LRRC4C: variants seen among roughly 807,000 people sequenced by gnomAD.
LRRC4C encodes the protein leucine rich repeat containing 4C, also known as leucine-rich repeat-containing protein 4C.
In LRRC4C, 5 loss-of-function variants were observed where a neutral mutation model predicts 33.6. That is an observed-to-expected ratio of 0.15 (90% CI 0.08 to 0.31). The LOEUF (loss-of-function observed/expected upper bound fraction) is 0.31, where lower values mean the gene tolerates loss of function less well. Among genes scored for constraint, LRRC4C ranks in the 10% least tolerant of loss-of-function variants. The probability of loss-of-function intolerance (pLI) is 1.00; values close to 1 mark genes in which losing one functional copy is unlikely to be tolerated. For synonymous variants in LRRC4C, 329 were observed against 302.0 expected, an observed-to-expected ratio of 1.09 and a Z score of -0.93; for missense variants, 560 against 796.7, an observed-to-expected ratio of 0.70 and a Z score of 3.58.
At chr11:41,068,566 A>G (rs954065137) in intron 1 of LRRC4C, among the ~76,000 whole-genome samples, 1 of 152,174 alleles carries the variant, frequency 6.6e-6, no homozygotes, top group African/African-American at 2.4e-5. Context: ...AATACAAACT[A>G]CTATCAGAGA....
chr11:41,263,780 T>C (rs1422760369), intron 1 of LRRC4C, among the ~76,000 whole-genome samples: 1 of 152,208 alleles, frequency 6.6e-6, no homozygotes, highest in Admixed American at 6.5e-5. Flanking sequence ...TGTCTACTCA[T>C]AGTAGAAACT....
At chr11:40,945,618 C>G (rs533876984) in intron 1 of LRRC4C, among the ~76,000 whole-genome samples, 2 of 152,196 alleles carry the variant, frequency 1.3e-5, no homozygotes, top group South Asian at 4.2e-4. Context: ...CAAGTCTTGT[C>G]AAGATAAATC....
At chr11:40,493,472 T>C (rs1277372784) in intron 3 of LRRC4C, among the ~76,000 whole-genome samples, 1 of 151,932 alleles carries the variant, frequency 6.6e-6, no homozygotes, top group Non-Finnish European at 1.5e-5. Context: ...TAGAATGAAA[T>C]AAATGCAACT....
intron 1 of LRRC4C, among the ~76,000 whole-genome samples, chr11:40,938,091 C>T (rs1273232206): frequency 6.6e-6 from 1 of 152,138 alleles, no homozygotes; most frequent in East Asian, 1.9e-4. Context: ...AGCACTACTG[C>T]TTGAAGTCAT....
chr11:40,704,073 T>C (rs1220421026), intron 2 of LRRC4C, among the ~76,000 whole-genome samples: 1 of 152,042 alleles, frequency 6.6e-6, no homozygotes, highest in African/African-American at 2.4e-5. Context: ...AATGTAACAA[T>C]ACAACTACAA....
At chr11:41,011,851 G>A (rs201886122) in intron 1 of LRRC4C, among the ~76,000 whole-genome samples, 366 of 33,952 alleles carry the variant, frequency 0.011, 3 homozygotes, top group African/African-American at 0.028. Context: ...ATTATATTAT[G>A]TTACATGTAT....
At chr11:41,030,905 A>G (rs1793814439) in intron 1 of LRRC4C, among the ~76,000 whole-genome samples, 1 of 151,796 alleles carries the variant, frequency 6.6e-6, no homozygotes, top group African/African-American at 2.4e-5. Flanking sequence ...TTAGGTTTAA[A>G]ACCACTTAAA....
chr11:40,910,581 G>A (rs73484714), intron 2 of LRRC4C, among the ~76,000 whole-genome samples: 7,633 of 152,264 alleles, frequency 0.05, 258 homozygotes, highest in South Asian at 0.14. Context: ...GAGCCAAGAC[G>A]GCTGAATAGG....
At chr11:40,221,181 A>G (rs939847375) in intron 5 of LRRC4C, among the ~76,000 whole-genome samples, 1 of 152,058 alleles carries the variant, frequency 6.6e-6, no homozygotes, top group African/African-American at 2.4e-5. Flanking sequence ...TTATTACCCT[A>G]TGTATCTCTA....
chr11:41,220,944 A>G (rs763180387), intron 1 of LRRC4C, among the ~76,000 whole-genome samples: 23 of 152,196 alleles, frequency 1.5e-4, no homozygotes, highest in Admixed American at 3.3e-4. Context: ...CTATTAAATT[A>G]CTGATGATTT....
Position 40,114,970 on chromosome 11 carries a change from C to T in LRRC4C, c.1323G>A (p.Leu441=), listed in dbSNP as rs377117745. ...GAGTAGTGGTTGCTGCAGTAACATT[C>T]AGGGTGGCTGAAGCAGTAGTATTCC... The part of the protein sequence containing the change: ...SVGNTTASAT[L]NVTAATTTPF... Residue 441 remains leucine, a synonymous_variant, in exon 7 of 7, where the codon CTG becomes CTA. Transcript: ENST00000528697. The T allele has an allele frequency of 4.4e-5, 71 of 1,614,092 alleles. No homozygotes were observed. In the African/African-American group the frequency reaches 7.9e-4, roughly 18 times the overall value.
intron 3 of LRRC4C, among the ~76,000 whole-genome samples, chr11:40,384,511 A>G (rs1409279750): frequency 2.6e-5 from 4 of 152,302 alleles, no homozygotes; most frequent in South Asian, 4.1e-4. Flanking sequence ...TGTACCTAAC[A>G]TATAGCAGAA....
chr11:40,915,007 C>A (rs1329871015), intron 2 of LRRC4C, among the ~76,000 whole-genome samples: 3 of 152,126 alleles, frequency 2.0e-5, no homozygotes, highest in African/African-American at 7.2e-5. Context: ...AGGACCTCTT[C>A]AAGGAGAACT....
At chr11:40,506,307 C>T (rs1037983284) in intron 3 of LRRC4C, among the ~76,000 whole-genome samples, 1 of 152,042 alleles carries the variant, frequency 6.6e-6, no homozygotes, top group African/African-American at 2.4e-5. Context: ...TTTGAGAATC[C>T]AAGAGCTAGC....
intron 1 of LRRC4C, among the ~76,000 whole-genome samples, chr11:41,233,846 A>C (rs529514823): frequency 2.0e-5 from 3 of 152,168 alleles, no homozygotes; most frequent in African/African-American, 7.2e-5. Flanking sequence ...CTATTTTAAC[A>C]ATTTATTAAT....
At chr11:40,377,470 G>A (rs747216160) in intron 3 of LRRC4C, among the ~76,000 whole-genome samples, 3 of 152,038 alleles carry the variant, frequency 2.0e-5, no homozygotes, top group Non-Finnish European at 2.9e-5. Flanking sequence ...ATTTCTTTAC[G>A]TGTCACATAC....
chr11:41,115,523 A>C (rs578090917), intron 1 of LRRC4C, among the ~76,000 whole-genome samples: 6 of 152,192 alleles, frequency 3.9e-5, no homozygotes, highest in African/African-American at 1.2e-4. Flanking sequence ...TTGAAGAAGG[A>C]AGGCAATATA....
intron 3 of LRRC4C, among the ~76,000 whole-genome samples, chr11:40,371,285 GT>G (rs1948437722): frequency 6.6e-6 from 1 of 151,952 alleles, no homozygotes; most frequent in African/African-American, 2.4e-5. Context: ...TTCTATTCAA[GT>G]TTTTCCAGCT....
At chr11:40,355,353 C>G (rs1349501305) in intron 3 of LRRC4C, among the ~76,000 whole-genome samples, 1 of 152,130 alleles carries the variant, frequency 6.6e-6, no homozygotes, top group Non-Finnish European at 1.5e-5. Flanking sequence ...ACATGTATCC[C>G]AAGTCTGCTG....
Sources: allele counts gnomAD v4.1 joint callset (sites outside exome capture counted in the v4.1 genomes callset), GRCh38; gene constraint gnomAD v4.1.1; transcripts MANE v1.5; gene names NCBI Gene and HGNC (gene_info 2026-07-23, HGNC 2026-07-21).